SDK1: variants seen among roughly 807,000 people sequenced by gnomAD.
The protein encoded by SDK1 is sidekick cell adhesion molecule 1, also known as protein sidekick-1.
A neutral mutation model predicts 245.5 loss-of-function variants in SDK1; 157 were observed. The ratio of observed to expected loss-of-function variants is 0.64; its 90% CI spans 0.56 to 0.73. The LOEUF (loss-of-function observed/expected upper bound fraction) is 0.73. SDK1 is among the 30% of genes least tolerant of loss of function. SDK1 has a pLI of 0.00. For synonymous variants in SDK1, 1,647 were observed against 1,278.5 expected (o/e 1.29, Z -6.15); for missense variants, 3,583 against 3,002.3 (o/e 1.19, Z -4.52).
chr7:4,167,749 G>C (rs1029306958), intron 32 of SDK1, among the ~76,000 whole-genome samples: 1 of 152,232 alleles, frequency 6.6e-6, no homozygotes, highest in Non-Finnish European at 1.5e-5. Flanking sequence ...ACATGCGAAG[G>C]GCTGGGGACA....
At chr7:3,856,676 A>C (rs938987349) in intron 5 of SDK1, among the ~76,000 whole-genome samples, 5 of 151,980 alleles carry the variant, frequency 3.3e-5, no homozygotes, top group African/African-American at 1.2e-4. Flanking sequence ...CTGTAATCCC[A>C]GCTAGTCAGG....
At chr7:3,552,228 G>C (rs901953435) in intron 1 of SDK1, among the ~76,000 whole-genome samples, 1 of 152,018 alleles carries the variant, frequency 6.6e-6, no homozygotes. Flanking sequence ...TAGTAGAGAC[G>C]GGGTTTCACT....
In SDK1 at chr7:4,011,010, A is replaced by T. The variant is rs746605706; in HGVS notation, c.2176A>T (p.Thr726Ser). 4 of 1,614,062 alleles carry T rather than the reference A, an allele frequency of 2.5e-6. No homozygotes were observed. The African/African-American group carries it at 4.0e-5, about 16-fold the overall frequency. The change falls in exon 15 of 45, where the codon ACA (threonine) becomes TCA (serine). Residue 726 changes from threonine (T) to serine (S), a missense_variant. Thr to Ser is a moderately conservative substitution (Grantham distance 58). Coordinates refer to ENST00000404826, the MANE Select transcript of SDK1 (RefSeq NM_152744.4). ...TCTGTCAAACGTTGGCCCTGAGATGACAGGCGTCACCGTGAGTGGCCTGAC... is the reference window on the plus strand; with the variant it reads ...TCTGTCAAACGTTGGCCCTGAGATGTCAGGCGTCACCGTGAGTGGCCTGAC... ...VHLSNVGPEM[T>S]GVTVSGLTPA...
At chr7:4,110,181 T>C (rs1562823984) in intron 22 of SDK1, among the ~76,000 whole-genome samples, 1 of 152,112 alleles carries the variant, frequency 6.6e-6, no homozygotes, top group African/African-American at 2.4e-5. Flanking sequence ...TGGTGTCTGT[T>C]TGGTGTGTGT....
chr7:3,838,416 T>C (rs1002647321), intron 5 of SDK1, among the ~76,000 whole-genome samples: 5 of 152,218 alleles, frequency 3.3e-5, no homozygotes, highest in Non-Finnish European at 7.3e-5. Flanking sequence ...GATGTTTAAC[T>C]GAGACCTAAA....
At chr7:3,719,185 G>A (rs894913227) in intron 4 of SDK1, among the ~76,000 whole-genome samples, 3 of 150,446 alleles carry the variant, frequency 2.0e-5, no homozygotes, top group African/African-American at 7.3e-5. Flanking sequence ...GCTGAGAAAT[G>A]GAAGAAATCA....
intron 40 of SDK1, among the ~76,000 whole-genome samples, chr7:4,225,245 C>A (rs1345674255): frequency 6.6e-6 from 1 of 152,134 alleles, no homozygotes; most frequent in Non-Finnish European, 1.5e-5. Flanking sequence ...GTAAAGGATA[C>A]ACAGACTTGC....
chr7:4,055,921 A>C (rs1779167396), intron 19 of SDK1, among the ~76,000 whole-genome samples: 3 of 152,018 alleles, frequency 2.0e-5, no homozygotes, highest in African/African-American at 7.3e-5. Flanking sequence ...TTCATTTTCC[A>C]TGTGTTTGGA....
intron 4 of SDK1, among the ~76,000 whole-genome samples, chr7:3,692,565 A>G (rs942853131): frequency 1.4e-4 from 21 of 152,080 alleles, no homozygotes; most frequent in Non-Finnish European, 2.8e-4. Flanking sequence ...CATTTCAGTT[A>G]TGTCCTTCAA....
chr7:3,485,791 C>T (rs1295041630), intron 1 of SDK1, among the ~76,000 whole-genome samples: 4 of 145,216 alleles, frequency 2.8e-5, no homozygotes, highest in African/African-American at 5.1e-5. Context: ...GCTATTCCCA[C>T]GTAAGTGTGT....
chr7:4,048,626 A>C (rs1384230658), intron 17 of SDK1, among the ~76,000 whole-genome samples: 3 of 152,062 alleles, frequency 2.0e-5, no homozygotes, highest in Admixed American at 6.5e-5. Flanking sequence ...TCCCAAACAC[A>C]GTCCAGATGA....
intron 4 of SDK1, among the ~76,000 whole-genome samples, chr7:3,674,059 T>C (rs539651411): frequency 5.9e-5 from 9 of 152,186 alleles, no homozygotes; most frequent in East Asian, 1.9e-4. Context: ...CATTAAGGCA[T>C]AGAAGAGAGA....
chr7:4,017,451 C>T (rs2128152173), intron 17 of SDK1, 99 bp downstream of exon 17: 1 of 1,071,224 alleles, frequency 9.3e-7, no homozygotes, highest in East Asian at 2.6e-5. Context: ...AACAGAGAAT[C>T]CAGTCCCCTA....
rs577043426 is a variant in SDK1, at chr7:3,640,995, T to C, written c.566-963T>C. ...CTGTGCTCTGCGTTTAGATTTTTTTTTTTTAATCTTTCTTTTCTCCTTTGC... is the reference window on the plus strand; with the variant it reads ...CTGTGCTCTGCGTTTAGATTTTTTTCTTTTAATCTTTCTTTTCTCCTTTGC... On this transcript the variant is annotated intron_variant, in intron 3 of 44. Transcript: ENST00000404826. 5.7e-4 allele frequency among the ~76,000 whole-genome samples: 87 copies of C among 152,314 alleles called. 1 individual carries two copies. Among genetic ancestry groups the C allele is most frequent in the African/African-American group, 2.1e-3 (87 of 41,574 alleles).
At chr7:3,640,398 C>A (rs530384010) in intron 3 of SDK1, among the ~76,000 whole-genome samples, 2 of 152,176 alleles carry the variant, frequency 1.3e-5, no homozygotes, top group African/African-American at 4.8e-5. Flanking sequence ...GTTATTTTAC[C>A]ATAAGCCTAA....
chr7:3,562,285 AAC>A (rs1779774076), intron 1 of SDK1, among the ~76,000 whole-genome samples: 1 of 152,228 alleles, frequency 6.6e-6, no homozygotes, highest in African/African-American at 2.4e-5. Flanking sequence ...CCTTTAAGAT[AAC>A]ATTTTATTTT....
At chr7:3,676,623 C>CGG (rs1783912960) in intron 4 of SDK1, among the ~76,000 whole-genome samples, 1 of 152,208 alleles carries the variant, frequency 6.6e-6, no homozygotes, top group African/African-American at 2.4e-5. Context: ...CCACGCCTTG[C>CGG]CCTCTTCTAA....
intron 1 of SDK1, among the ~76,000 whole-genome samples, chr7:3,321,423 A>T (rs895305273): frequency 6.6e-6 from 1 of 152,148 alleles, no homozygotes; most frequent in Non-Finnish European, 1.5e-5. Context: ...CTAGAGACTC[A>T]GCCTAGGAAT....
intron 22 of SDK1, among the ~76,000 whole-genome samples, chr7:4,107,448 C>A (rs868116824): frequency 4.6e-5 from 7 of 151,924 alleles, no homozygotes; most frequent in African/African-American, 1.7e-4. Flanking sequence ...GCTAAATTGA[C>A]GGCCTGAAAT....
Sources: allele counts gnomAD v4.1 joint callset (sites outside exome capture counted in the v4.1 genomes callset), GRCh38; gene constraint gnomAD v4.1.1; transcripts MANE v1.5; gene names NCBI Gene and HGNC (gene_info 2026-07-23, HGNC 2026-07-21).